RANBP2: variants seen among roughly 807,000 people sequenced by gnomAD.
RANBP2 encodes the protein E3 SUMO-protein ligase RanBP2.
Under a neutral mutation model 303.6 loss-of-function variants are expected in RANBP2, and 57 were observed. That is an observed-to-expected ratio of 0.19 (90% CI 0.15 to 0.23). RANBP2 has a LOEUF of 0.23. RANBP2 is among the 10% of genes least tolerant of loss of function. The pLI is 1.00. For missense variants in RANBP2, 3,138 were observed against 3,780.8 expected (o/e 0.83, Z 4.46); for synonymous variants, 1,167 against 1,301.5 (o/e 0.90, Z 2.23).
At chr2:109,399,928 C>G in the RANBP2 span, among the ~76,000 whole-genome samples, 3 of 152,222 alleles carry the variant, frequency 2.0e-5, no homozygotes, top group African/African-American at 7.2e-5. Context: ...TTTCTCCCTG[C>G]GCTGCAGCCT....
chr2:109,249,519 T>TTCTTTCTC, the RANBP2 span, among the ~76,000 whole-genome samples: 21 of 61,896 alleles, frequency 3.4e-4, no homozygotes, highest in Non-Finnish European at 4.9e-4. Context: ...CATTCTTTCT[T>TTCTTTCTC]TTTCTTTCTT....
chr2:108,967,994 G>A, the RANBP2 span, among the ~76,000 whole-genome samples: 1,111 of 152,274 alleles, frequency 7.3e-3, 9 homozygotes, highest in South Asian at 0.029. Flanking sequence ...AGAACAGGAC[G>A]CGTGGAGAGA....
Position 108,753,164 on chromosome 2 carries a change from C to T in RANBP2, c.1917+5C>T, listed in dbSNP as rs1275805663. 1.2e-6 allele frequency: 2 copies of T among 1,611,276 alleles called. No individual in the cohort carries two copies. Among genetic ancestry groups the T allele is most frequent in the South Asian group, 2.2e-5 (2 of 90,964 alleles). ...TTTCATAGTGTAGACATTCAGGTAA[C>T]AGAGTTCCTTTATGAATTTATTGGA... On this transcript the variant is annotated splice_donor_5th_base_variant and intron_variant, in intron 13 of 28. Transcript: ENST00000283195.
chr2:109,385,531 A>G, the RANBP2 span, among the ~76,000 whole-genome samples: 2 of 152,280 alleles, frequency 1.3e-5, no homozygotes, highest in Admixed American at 1.3e-4. Flanking sequence ...TGAAGGAAAC[A>G]ATCACTTAGA....
At chr2:109,651,652 C>A in the RANBP2 span, among the ~76,000 whole-genome samples, 18 of 152,310 alleles carry the variant, frequency 1.2e-4, no homozygotes, top group Admixed American at 8.5e-4. Context: ...TGTGCTGACT[C>A]ATACGCCTTG....
the RANBP2 span, among the ~76,000 whole-genome samples, chr2:109,062,257 T>C: frequency 6.6e-6 from 1 of 152,206 alleles, no homozygotes; most frequent in Non-Finnish European, 1.5e-5. Context: ...AGGAAACATG[T>C]TACTCTTCCT....
the RANBP2 span, chr2:109,501,387 TA>T: frequency 3.6e-6 from 2 of 558,356 alleles, no homozygotes; most frequent in Non-Finnish European, 6.5e-6. Flanking sequence ...AGAAATTGTA[TA>T]AAGTGGGAAA....
At chr2:108,924,795 C>G in the RANBP2 span, among the ~76,000 whole-genome samples, 1 of 152,266 alleles carries the variant, frequency 6.6e-6, no homozygotes, top group South Asian at 2.1e-4. Flanking sequence ...ACAGCTAAGC[C>G]TCTCGCAAAT....
At chr2:108,768,415 C>G (rs1470402653) in intron 20 of RANBP2, 27 bp downstream of exon 20, 1 of 1,609,184 alleles carries the variant, frequency 6.2e-7, no homozygotes, top group Non-Finnish European at 8.5e-7. Flanking sequence ...TAAAGTTAAG[C>G]ACAATTTTTC....
the RANBP2 span, among the ~76,000 whole-genome samples, chr2:109,491,737 A>G: frequency 2.8e-3 from 420 of 152,314 alleles, 2 homozygotes; most frequent in Non-Finnish European, 4.8e-3. Flanking sequence ...TGGTAGAAAG[A>G]TATGATCCTT....
chr2:109,602,345 GA>G, the RANBP2 span, among the ~76,000 whole-genome samples: 1 of 152,164 alleles, frequency 6.6e-6, no homozygotes, highest in African/African-American at 2.4e-5. Flanking sequence ...TTATTGATGT[GA>G]AAAGACCCTG....
At chr2:109,637,787 T>C in the RANBP2 span, among the ~76,000 whole-genome samples, 1 of 151,756 alleles carries the variant, frequency 6.6e-6, no homozygotes, top group Admixed American at 6.6e-5. Flanking sequence ...CAAAATGGAG[T>C]TTCTTATGTC....
chr2:109,077,308 C>T, the RANBP2 span, among the ~76,000 whole-genome samples: 2 of 150,544 alleles, frequency 1.3e-5, no homozygotes, highest in Non-Finnish European at 3.0e-5. Context: ...AGAAAAATCT[C>T]CTTGAAGAAG....
chr2:109,233,164 C>T, the RANBP2 span, among the ~76,000 whole-genome samples: 1 of 152,198 alleles, frequency 6.6e-6, no homozygotes, highest in Non-Finnish European at 1.5e-5. Flanking sequence ...TTAACCAGCT[C>T]AGTGGACAGT....
chr2:109,577,912 CAAAAAAA>C, the RANBP2 span, among the ~76,000 whole-genome samples: 1 of 92,344 alleles, frequency 1.1e-5, no homozygotes, highest in Non-Finnish European at 2.1e-5. Context: ...GACTTTGTCT[CAAAAAAA>C]AAAAAAAAAA....
At chr2:109,732,870 A>G in the RANBP2 span, 1 of 1,231,758 alleles carries the variant, frequency 8.1e-7, no homozygotes, top group Non-Finnish European at 1.2e-6. Context: ...GATCCCCGAG[A>G]TGCAGCAGGT....
At chr2:109,078,102 A>ATATATATATATGGCGTG in the RANBP2 span, among the ~76,000 whole-genome samples, 1 of 90,126 alleles carries the variant, frequency 1.1e-5, no homozygotes, top group African/African-American at 3.8e-5. Context: ...ATATATATAT[A>ATATATATATATGGCGTG]TATATATATA....
At chr2:109,044,949 G>A in the RANBP2 span, among the ~76,000 whole-genome samples, 1,062 of 152,284 alleles carry the variant, frequency 7.0e-3, 16 homozygotes, top group African/African-American at 0.024. Context: ...GATTATTACA[G>A]GAAAAGGATT....
the RANBP2 span, among the ~76,000 whole-genome samples, chr2:109,047,841 A>G: frequency 6.6e-6 from 1 of 152,236 alleles, no homozygotes. Context: ...AACTGAAAAC[A>G]AAACCTTTAC....
Sources: gnomAD v4.1 joint callset for allele counts (sites outside exome capture counted in the v4.1 genomes callset) on GRCh38, gnomAD v4.1.1 for gene constraint, MANE v1.5 for transcripts, NCBI Gene and HGNC (gene_info 2026-07-23, HGNC 2026-07-21) for gene names.